SFRP1: variants seen among roughly 807,000 people sequenced by gnomAD.
SFRP1 encodes secreted frizzled-related protein 1.
SFRP1 carries 9 observed loss-of-function variants against 25.9 expected under a neutral mutation model. The ratio of observed to expected loss-of-function variants is 0.35; its 90% CI spans 0.21 to 0.61. The LOEUF is 0.61. Ranked by LOEUF, SFRP1 falls within the 20% of genes least tolerant of loss-of-function variation. The pLI, the probability that SFRP1 is intolerant of heterozygous loss-of-function variation, is 0.78. For synonymous variants in SFRP1, 178 were observed against 174.0 expected (o/e 1.02, Z -0.18); for missense variants, 346 against 418.2 (o/e 0.83, Z 1.51).
At chr8:41,288,718 A>C (rs1013677570) in intron 2 of SFRP1, among the ~76,000 whole-genome samples, 2 of 152,106 alleles carry the variant, frequency 1.3e-5, no homozygotes, top group African/African-American at 4.8e-5. Flanking sequence ...GCGACTAGTA[A>C]ATTGTGGGGC....
chr8:41,306,778 A>G, intron 1 of SFRP1: 3 of 1,598,100 alleles, frequency 1.9e-6, no homozygotes, highest in Non-Finnish European at 2.5e-6. Flanking sequence ...CCAGGCTGAG[A>G]AGGGCGCCGA....
chr8:41,285,714 T>C (rs891998868), intron 2 of SFRP1, among the ~76,000 whole-genome samples: 1 of 151,984 alleles, frequency 6.6e-6, no homozygotes, highest in African/African-American at 2.4e-5. Context: ...CCCCCGTGAG[T>C]GCCAGGGAGT....
chr8:41,272,664 T>C (rs950363955), intron 2 of SFRP1, among the ~76,000 whole-genome samples: 20 of 152,016 alleles, frequency 1.3e-4, no homozygotes, highest in Admixed American at 1.2e-3. Context: ...GTTGAAGAAA[T>C]TTCATGAAAA....
chr8:41,289,083 T>C (rs1803744175), intron 2 of SFRP1, among the ~76,000 whole-genome samples: 1 of 152,188 alleles, frequency 6.6e-6, no homozygotes, highest in African/African-American at 2.4e-5. Context: ...TCAGTTTTCA[T>C]CTGCTCCACC....
At chr8:41,267,829 T>C (rs1445547239) in intron 2 of SFRP1, among the ~76,000 whole-genome samples, 1 of 152,154 alleles carries the variant, frequency 6.6e-6, no homozygotes, top group African/African-American at 2.4e-5. Context: ...ACTCTATGGT[T>C]CCAAAATTCT....
At chr8:41,295,348 G>A (rs887175426) in intron 2 of SFRP1, among the ~76,000 whole-genome samples, 1 of 151,712 alleles carries the variant, frequency 6.6e-6, no homozygotes, top group African/African-American at 2.4e-5. Flanking sequence ...GCAACAGAGG[G>A]AGACTCCGTC....
At chr8:41,293,073 C>G (rs998331851) in intron 2 of SFRP1, among the ~76,000 whole-genome samples, 4 of 152,212 alleles carry the variant, frequency 2.6e-5, no homozygotes, top group African/African-American at 9.6e-5. Context: ...GTGCACTTCT[C>G]AGCACCTTCC....
Position 41,285,014 on chromosome 8 carries a change from C to T in SFRP1, c.622+18447G>A, listed in dbSNP as rs1444155895. Among the ~76,000 whole-genome samples, 7 of 152,370 alleles carry T rather than the reference C, an allele frequency of 4.6e-5. No individual in the cohort carries two copies. The South Asian group carries it at 1.2e-3, about 27-fold the overall frequency. The stretch of plus-strand genomic sequence containing the variant: ...AGCCAGCCCGACACTCAGTCCCCTC[C>T]GCTTCCGACCTGGTGGCCTGTGCTG... On this transcript the variant is annotated intron_variant, in intron 2 of 2. Coordinates refer to ENST00000220772, the MANE Select transcript of SFRP1 (RefSeq NM_003012.5).
intron 2 of SFRP1, among the ~76,000 whole-genome samples, chr8:41,286,261 C>G (rs7838918): frequency 0.52 from 79,308 of 152,032 alleles, 21,519 homozygotes; most frequent in African/African-American, 0.69. Flanking sequence ...AGCGAAGAAG[C>G]CTCCAGGCAA....
intron 1 of SFRP1, among the ~76,000 whole-genome samples, chr8:41,307,982 G>A (rs1363768105): frequency 6.6e-6 from 1 of 152,182 alleles, no homozygotes; most frequent in Non-Finnish European, 1.5e-5. Context: ...GGGCAGAGCT[G>A]GTACCTGGAA....
At chr8:41,284,206 G>C (rs1803670044) in intron 2 of SFRP1, among the ~76,000 whole-genome samples, 1 of 152,172 alleles carries the variant, frequency 6.6e-6, no homozygotes, top group Non-Finnish European at 1.5e-5. Flanking sequence ...AGATGGAAGA[G>C]GAGAAGGAGA....
intron 2 of SFRP1, among the ~76,000 whole-genome samples, chr8:41,267,673 T>C (rs1803453932): frequency 6.6e-6 from 1 of 152,118 alleles, no homozygotes; most frequent in Non-Finnish European, 1.5e-5. Flanking sequence ...TTCTAACAAC[T>C]CCAGGAGGAA....
Position 41,265,272 on chromosome 8 carries a change from C to T in SFRP1, c.840G>A (p.Leu280=), listed in dbSNP as rs1803421256. The change falls in exon 3 of 3, where the codon TTG becomes TTA. Residue 280 remains leucine, a synonymous_variant. Transcript: ENST00000220772. ...TGTCCCACTTGTGGATGGCCGTCAGCAAGTACTGGCTCTTCACCTTGCGGC... is the reference window on the plus strand; with the variant it reads ...TGTCCCACTTGTGGATGGCCGTCAGTAAGTACTGGCTCTTCACCTTGCGGC... The part of the protein sequence containing the change: ...IMGRKVKSQY[L]LTAIHKWDKK... 6.2e-7 allele frequency: 1 copy of T among 1,614,170 alleles called. No homozygotes were observed. Among genetic ancestry groups the T allele is most frequent in the Non-Finnish European group, 8.5e-7 (1 of 1,180,034 alleles).
At chr8:41,274,080 T>C (rs1453011639) in intron 2 of SFRP1, among the ~76,000 whole-genome samples, 3 of 152,236 alleles carry the variant, frequency 2.0e-5, no homozygotes, top group Non-Finnish European at 4.4e-5. Flanking sequence ...TTTCAGGCTT[T>C]CAGCCTCAGA....
At position 41,309,227 on chromosome 8, in the gene SFRP1, C is replaced by G. The variant is rs886708168; in HGVS notation, c.-68G>C. 6 of 1,262,316 alleles carry G rather than the reference C, an allele frequency of 4.8e-6. No homozygotes were observed. Among genetic ancestry groups the G allele is most frequent in the Non-Finnish European group, 5.9e-6 (6 of 1,010,182 alleles). 78.2% of individuals were successfully genotyped at this position (1,262,316 alleles called of 1,614,324 possible). A position where few individuals can be genotyped will look rare whatever the true frequency, so the allele number is the denominator to read the frequency against. ...CGCCGCCTCCCCGCGCGCGTCCTGC[C>G]GCAAACTTCCAGGGACCTCCGGGGA... On this transcript the variant is annotated 5_prime_UTR_variant, in exon 1 of 3. Coordinates refer to ENST00000220772, the MANE Select transcript of SFRP1 (RefSeq NM_003012.5).
At chr8:41,274,031 C>G (rs554860619) in intron 2 of SFRP1, among the ~76,000 whole-genome samples, 6 of 152,302 alleles carry the variant, frequency 3.9e-5, no homozygotes, top group African/African-American at 1.4e-4. Flanking sequence ...TTTTTCGGCT[C>G]TGGGACTTTG....
At chr8:41,303,595 G>A in intron 1 of SFRP1, 57 bp from the exon 2 acceptor site, 1 of 1,430,562 alleles carries the variant, frequency 7.0e-7, no homozygotes, top group South Asian at 1.2e-5. Flanking sequence ...GAAGGGAGCA[G>A]CCCCTGGGGA....
chr8:41,288,784 C>T lies in SFRP1; in HGVS notation c.622+14677G>A, dbSNP rs550198865. ...AAGTAACTGCTTCCAAACTGCTTCC[C>T]CATAGCAGGCTCTCTCCTACCCTAT... On this transcript the variant is annotated intron_variant, in intron 2 of 2. Transcript: ENST00000220772. Among the ~76,000 whole-genome samples the T allele has an allele frequency of 2.5e-4, 38 of 152,290 alleles. No individual in the cohort carries two copies. In the East Asian group the frequency reaches 7.3e-3, roughly 29 times the overall value.
chr8:41,290,725 C>T (rs1803765377), intron 2 of SFRP1, among the ~76,000 whole-genome samples: 2 of 151,922 alleles, frequency 1.3e-5, no homozygotes, highest in South Asian at 4.1e-4. Flanking sequence ...CACCCTGAGC[C>T]CTCTCATACG....
Sources: gnomAD v4.1 joint callset for allele counts (sites outside exome capture counted in the v4.1 genomes callset) on GRCh38, gnomAD v4.1.1 for gene constraint, MANE v1.5 for transcripts, NCBI Gene and HGNC (gene_info 2026-07-23, HGNC 2026-07-21) for gene names.